GPC6: variants seen among roughly 807,000 people sequenced by gnomAD.
GPC6 encodes glypican 6, also known as glypican-6.
GPC6 carries 14 observed loss-of-function variants against 55.2 expected under a neutral mutation model. That is an observed-to-expected ratio of 0.25 (90% CI 0.17 to 0.40). GPC6 has a LOEUF of 0.40. Ranked by LOEUF, GPC6 falls within the 10% of genes least tolerant of loss-of-function variation. The probability of loss-of-function intolerance (pLI) is 1.00; values close to 1 mark genes in which losing one functional copy is unlikely to be tolerated. For missense variants in GPC6, 641 were observed against 708.5 expected (o/e 0.90, Z 1.08); for synonymous variants, 278 against 259.6 (o/e 1.07, Z -0.68).
intron 1 of GPC6, among the ~76,000 whole-genome samples, chr13:93,259,766 A>C (rs1877073123): frequency 6.6e-6 from 1 of 152,212 alleles, no homozygotes; most frequent in Non-Finnish European, 1.5e-5. Flanking sequence ...AAAATGGATA[A>C]GCTGATTGTT....
At chr13:93,228,460 G>A (rs1039128167) in intron 1 of GPC6, among the ~76,000 whole-genome samples, 2 of 152,198 alleles carry the variant, frequency 1.3e-5, no homozygotes, top group Non-Finnish European at 2.9e-5. Context: ...CCGGCCACTG[G>A]CATTGCTCCA....
In GPC6 at chr13:94,146,125, C is replaced by A. The variant is rs182220536; in HGVS notation, c.877+118231C>A. 1.0e-3 allele frequency among the ~76,000 whole-genome samples: 152 copies of A among 152,238 alleles called. 2 individuals are homozygous for A. Among genetic ancestry groups the A allele is most frequent in the African/African-American group, 3.0e-3 (124 of 41,550 alleles). The stretch of plus-strand genomic sequence containing the variant: ...GCTTTGTGGAAGCTCGCAGTGTGAT[C>A]CATAATCATGTCACATGCTATTTTC... On this transcript the variant is annotated intron_variant, in intron 4 of 8. Transcript: ENST00000377047.
At chr13:93,824,195 T>G in intron 2 of GPC6, among the ~76,000 whole-genome samples, 1 of 152,202 alleles carries the variant, frequency 6.6e-6, no homozygotes, top group East Asian at 1.9e-4. Context: ...TTCCCTTATA[T>G]AATTGCTTTT....
At chr13:93,833,160 G>T (rs534466940) in intron 3 of GPC6, among the ~76,000 whole-genome samples, 166 of 93,960 alleles carry the variant, frequency 1.8e-3, no homozygotes, top group African/African-American at 4.6e-3. Flanking sequence ...AGAGAGAGAT[G>T]GTATATATAT....
At chr13:93,684,722 A>G (rs9524170) in intron 2 of GPC6, among the ~76,000 whole-genome samples, 39,747 of 151,902 alleles carry the variant, frequency 0.26, 5,806 homozygotes, top group East Asian at 0.47. Context: ...TCTTACATAC[A>G]TGTATTTTAA....
chr13:93,489,942 A>T (rs1345363311), intron 1 of GPC6, among the ~76,000 whole-genome samples: 3 of 151,362 alleles, frequency 2.0e-5, no homozygotes, highest in African/African-American at 4.8e-5. Context: ...CTCTTTTCCT[A>T]ATTGAATACC....
intron 3 of GPC6, among the ~76,000 whole-genome samples, chr13:93,963,462 G>T (rs1363455719): frequency 2.6e-5 from 4 of 152,208 alleles, no homozygotes; most frequent in African/African-American, 9.6e-5. Flanking sequence ...CTGTTCTCAA[G>T]AGAGGAAGCT....
intron 4 of GPC6, among the ~76,000 whole-genome samples, chr13:94,176,545 T>C (rs1365801610): frequency 6.6e-6 from 1 of 152,160 alleles, no homozygotes; most frequent in African/African-American, 2.4e-5. Context: ...TTGTTATTTA[T>C]AATCTTCTTT....
In GPC6 at chr13:93,328,267, T is replaced by A. The variant is rs572991569; in HGVS notation, c.160+100651T>A. Among the ~76,000 whole-genome samples the A allele has an allele frequency of 3.5e-3, 535 of 152,274 alleles. 1 individual carries two copies. The highest frequency in any genetic ancestry group is 0.02 in the Middle Eastern group (6 of 294). On this transcript the variant is annotated intron_variant, in intron 1 of 8. Coordinates refer to ENST00000377047, the MANE Select transcript of GPC6 (RefSeq NM_005708.5). The stretch of plus-strand genomic sequence containing the variant: ...AAAACTCTTGTTTCTCCAGTAATAT[T>A]TGTGAGAGAATATATGTGTATGTGT...
At chr13:93,373,383 G>A (rs908353597) in intron 1 of GPC6, among the ~76,000 whole-genome samples, 6 of 152,112 alleles carry the variant, frequency 3.9e-5, no homozygotes, top group African/African-American at 1.4e-4. Context: ...TCCTGGTAGG[G>A]CATGTTTGAC....
intron 4 of GPC6, among the ~76,000 whole-genome samples, chr13:94,114,067 T>G (rs1349326407): frequency 3.3e-4 from 17 of 52,204 alleles, no homozygotes; most frequent in African/African-American, 1.4e-3. Context: ...CACCCATTCA[T>G]AGAACTAAGG....
chr13:93,683,809 A>G (rs1435776370), intron 2 of GPC6, among the ~76,000 whole-genome samples: 2 of 152,172 alleles, frequency 1.3e-5, no homozygotes, highest in African/African-American at 4.8e-5. Context: ...ACAAAGTATT[A>G]TAGATTGAAT....
chr13:93,265,299 A>G (rs1877286495), intron 1 of GPC6, among the ~76,000 whole-genome samples: 1 of 152,238 alleles, frequency 6.6e-6, no homozygotes, highest in Non-Finnish European at 1.5e-5. Context: ...AATATATATC[A>G]ACATATTTGT....
chr13:93,753,997 C>T (rs1884684266), intron 2 of GPC6, among the ~76,000 whole-genome samples: 1 of 152,134 alleles, frequency 6.6e-6, no homozygotes, highest in African/African-American at 2.4e-5. Flanking sequence ...GGAGACTGCA[C>T]ATGTGGAGAC....
In GPC6 at chr13:93,227,670, C is replaced by T; in HGVS notation, c.160+54C>T. On this transcript the variant is annotated intron_variant, in intron 1 of 8. Transcript: ENST00000377047. The surrounding 1 kb of genome is among the most constrained non-coding windows in gnomAD (Gnocchi z 4.3). ...CTGCAGCCCTCGGCTGCCGCACGTC[C>T]CACTGGCCGCCCGGCGTCCCCTTCC... The T allele has an allele frequency of 7.1e-7, 1 of 1,418,018 alleles. No individual in the cohort carries two copies. 87.8% of individuals were successfully genotyped at this position (1,418,018 alleles called of 1,614,324 possible).
chr13:93,921,246 C>T (rs1011251538), intron 3 of GPC6, among the ~76,000 whole-genome samples: 1 of 152,118 alleles, frequency 6.6e-6, no homozygotes, highest in African/African-American at 2.4e-5. Context: ...GGGCCAAGTG[C>T]TTTTTGGCTC....
At chr13:93,563,110 C>T (rs946889221) in intron 2 of GPC6, among the ~76,000 whole-genome samples, 6 of 152,042 alleles carry the variant, frequency 3.9e-5, no homozygotes, top group African/African-American at 1.2e-4. Flanking sequence ...AGTGGGTAGA[C>T]GAATTTATAC....
At chr13:94,166,213 G>C (rs751380842) in intron 4 of GPC6, among the ~76,000 whole-genome samples, 3 of 152,164 alleles carry the variant, frequency 2.0e-5, no homozygotes, top group African/African-American at 4.8e-5. Context: ...CATAATGCAA[G>C]AGTATTACTT....
chr13:93,625,103 T>C (rs920206349), intron 2 of GPC6, among the ~76,000 whole-genome samples: 2 of 152,230 alleles, frequency 1.3e-5, no homozygotes, highest in African/African-American at 4.8e-5. Flanking sequence ...TTGGAAATTG[T>C]AGAATGACTA....
Sources: gnomAD v4.1 joint callset for allele counts (sites outside exome capture counted in the v4.1 genomes callset) on GRCh38, gnomAD v4.1.1 for gene constraint, Gnocchi (gnomAD v3.1) non-coding constraint, MANE v1.5 for transcripts, NCBI Gene and HGNC (gene_info 2026-07-23, HGNC 2026-07-21) for gene names.